The following RBFOX1 variants were observed in gnomAD, a reference collection of about 807,000 sequenced individuals.
RBFOX1 encodes the protein RNA binding protein fox-1 homolog 1.
A neutral mutation model predicts 57.7 loss-of-function variants in RBFOX1; 8 were observed. The ratio of observed to expected loss-of-function variants is 0.14; its 90% CI spans 0.08 to 0.25. The LOEUF (loss-of-function observed/expected upper bound fraction) is 0.25. Among genes scored for constraint, RBFOX1 ranks in the 10% least tolerant of loss-of-function variants. The pLI, the probability that RBFOX1 is intolerant of heterozygous loss-of-function variation, is 1.00. For synonymous variants in RBFOX1, 326 were observed against 222.4 expected (o/e 1.47, Z -4.15); for missense variants, 611 against 548.5 (o/e 1.11, Z -1.14).
At chr16:6,407,834 C>G (rs532787896) in intron 2 of RBFOX1, among the ~76,000 whole-genome samples, 2 of 152,028 alleles carry the variant, frequency 1.3e-5, no homozygotes, top group Non-Finnish European at 2.9e-5. Flanking sequence ...ATACATGGAC[C>G]GTAGGTGTGG....
intron 3 of RBFOX1, among the ~76,000 whole-genome samples, chr16:5,666,479 C>T (rs961329429): frequency 2.0e-5 from 3 of 152,172 alleles, no homozygotes; most frequent in African/African-American, 4.8e-5. Flanking sequence ...TATCCTAGAT[C>T]CCAGAAATAG....
intron 1 of RBFOX1, among the ~76,000 whole-genome samples, chr16:6,227,640 A>G (rs937665124): frequency 3.3e-5 from 5 of 152,174 alleles, no homozygotes; most frequent in African/African-American, 9.7e-5. Context: ...TAGGGCAGCC[A>G]TCTATGACCA....
rs548933044 is a variant in RBFOX1 at position 7,020,514 on chromosome 16, C to T, written c.-15-31543C>T. Among the ~76,000 whole-genome samples, 22 of 152,226 alleles carry T rather than the reference C, an allele frequency of 1.4e-4. No individual in the cohort carries two copies. The East Asian group carries it at 3.9e-3, about 27-fold the overall frequency. On this transcript the variant is annotated intron_variant, in intron 3 of 15. Coordinates refer to ENST00000550418, the MANE Select transcript of RBFOX1 (RefSeq NM_018723.4). ...GATTTCAGGCGTCAGCCACCGCGCC[C>T]AGCCAATCTAAAATATTTTCAAAAT...
chr16:6,219,681 C>T (rs1247354542), intron 1 of RBFOX1, among the ~76,000 whole-genome samples: 1 of 152,044 alleles, frequency 6.6e-6, no homozygotes, highest in African/African-American at 2.4e-5. Flanking sequence ...TCAAGACCAG[C>T]CTGACCAACA....
At position 7,599,251 on chromosome 16, in the gene RBFOX1, C is replaced by T. The variant is rs576565491; in HGVS notation, c.622+1820C>T. Among the ~76,000 whole-genome samples the T allele has an allele frequency of 3.5e-4, 53 of 152,322 alleles. No individual in the cohort carries two copies. In the South Asian group the frequency reaches 9.5e-3, roughly 27 times the overall value. On this transcript the variant is annotated intron_variant, in intron 9 of 15. Transcript: ENST00000550418. Reference sequence around the variant, plus strand: ...TTCATATATGGTGACATCAACCTGACGGTTGGGCATAGTCTTTAATTATGA... The same window carrying T: ...TTCATATATGGTGACATCAACCTGATGGTTGGGCATAGTCTTTAATTATGA...
chr16:7,219,187 AC>A (rs2092523117), intron 4 of RBFOX1, among the ~76,000 whole-genome samples: 1 of 152,206 alleles, frequency 6.6e-6, no homozygotes, highest in Non-Finnish European at 1.5e-5. Flanking sequence ...AGTTTCATAC[AC>A]ATTGACATAA....
At chr16:6,830,880 C>T (rs928087754) in intron 3 of RBFOX1, among the ~76,000 whole-genome samples, 2 of 152,170 alleles carry the variant, frequency 1.3e-5, no homozygotes, top group South Asian at 2.1e-4. Flanking sequence ...ACTCTCCCAC[C>T]TCCTGGTCAG....
intron 3 of RBFOX1, among the ~76,000 whole-genome samples, chr16:6,734,358 A>C (rs1023870243): frequency 6.6e-6 from 1 of 152,184 alleles, no homozygotes; most frequent in Non-Finnish European, 1.5e-5. Context: ...AATTCACAAG[A>C]TTGCTAATCA....
At chr16:7,260,857 C>A (rs926712105) in intron 4 of RBFOX1, among the ~76,000 whole-genome samples, 2 of 152,120 alleles carry the variant, frequency 1.3e-5, no homozygotes, top group African/African-American at 4.8e-5. Context: ...GTTAGGGAAC[C>A]CCTATCTAAT....
intron 3 of RBFOX1, among the ~76,000 whole-genome samples, chr16:6,892,794 C>G (rs1398491534): frequency 1.2e-5 from 1 of 83,972 alleles, no homozygotes; most frequent in Non-Finnish European, 2.8e-5. Flanking sequence ...CTCTCTCTCT[C>G]TCTCTCTCTC....
chr16:5,988,593 G>T (rs2060327634), intron 4 of RBFOX1, among the ~76,000 whole-genome samples: 4 of 152,092 alleles, frequency 2.6e-5, no homozygotes, highest in African/African-American at 9.7e-5. Context: ...AGCCTCCACT[G>T]GGACGACTGA....
intron 3 of RBFOX1, among the ~76,000 whole-genome samples, chr16:6,922,207 A>G (rs1323833257): frequency 6.6e-6 from 1 of 152,138 alleles, no homozygotes; most frequent in African/African-American, 2.4e-5. Context: ...GGTTCTTGCT[A>G]CAATGGAGAG....
At chr16:7,035,210 A>T (rs2044038460) in intron 3 of RBFOX1, among the ~76,000 whole-genome samples, 1 of 151,856 alleles carries the variant, frequency 6.6e-6, no homozygotes. Flanking sequence ...CCTCAGTCTC[A>T]CTTTGAGTGT....
chr16:6,933,898 A>T (rs2076955771), intron 3 of RBFOX1, among the ~76,000 whole-genome samples: 1 of 152,198 alleles, frequency 6.6e-6, no homozygotes, highest in African/African-American at 2.4e-5. Context: ...AAGTTATTGA[A>T]CAACAAAATA....
chr16:5,854,351 G>A (rs952104275), intron 3 of RBFOX1, among the ~76,000 whole-genome samples: 1 of 152,154 alleles, frequency 6.6e-6, no homozygotes, highest in Non-Finnish European at 1.5e-5. Flanking sequence ...CTCACCTCCG[G>A]TGCCTGGCAA....
chr16:5,878,903 C>G (rs2057690438), intron 4 of RBFOX1, among the ~76,000 whole-genome samples: 2 of 152,182 alleles, frequency 1.3e-5, no homozygotes, highest in Admixed American at 6.5e-5. Flanking sequence ...CCTTGTCATT[C>G]TAATGTAATT....
chr16:5,822,753 A>G (rs964313540), intron 3 of RBFOX1, among the ~76,000 whole-genome samples: 1 of 152,102 alleles, frequency 6.6e-6, no homozygotes, highest in Admixed American at 6.6e-5. Flanking sequence ...TGCAAGTTGG[A>G]AGGAATTGGA....
At chr16:7,482,316 C>T (rs1363934915) in intron 4 of RBFOX1, among the ~76,000 whole-genome samples, 5 of 152,082 alleles carry the variant, frequency 3.3e-5, no homozygotes, top group African/African-American at 1.2e-4. Flanking sequence ...TTTAGGGAGG[C>T]GTTACAGTCC....
chr16:6,937,261 A>G (rs544199703), intron 3 of RBFOX1, among the ~76,000 whole-genome samples: 1 of 152,140 alleles, frequency 6.6e-6, no homozygotes, highest in African/African-American at 2.4e-5. Context: ...AGATTCAACA[A>G]TTGCCAACTC....
Sources: gnomAD v4.1 joint callset for allele counts (sites outside exome capture counted in the v4.1 genomes callset) on GRCh38, gnomAD v4.1.1 for gene constraint, MANE v1.5 for transcripts, NCBI Gene and HGNC (gene_info 2026-07-23, HGNC 2026-07-21) for gene names.